The following PRR16 variants were observed in gnomAD, a reference collection of about 807,000 sequenced individuals.
PRR16 encodes protein Largen.
A neutral mutation model predicts 18.2 loss-of-function variants in PRR16; 6 were observed. That is an observed-to-expected ratio of 0.33 (90% CI 0.18 to 0.65). The LOEUF is 0.65. PRR16 is among the 30% of genes least tolerant of loss of function. The pLI, the probability that PRR16 is intolerant of heterozygous loss-of-function variation, is 0.74. For synonymous variants in PRR16, 151 were observed against 147.8 expected (o/e 1.02, Z -0.16); for missense variants, 412 against 376.6 (o/e 1.09, Z -0.78).
chr5:120,588,899 G>C (rs892321644), intron 1 of PRR16, among the ~76,000 whole-genome samples: 5 of 151,788 alleles, frequency 3.3e-5, no homozygotes, highest in Non-Finnish European at 5.9e-5. Context: ...TCTCAAATAG[G>C]TTATCTCTCT....
the PRR16 span, among the ~76,000 whole-genome samples, chr5:120,771,759 A>T: frequency 6.6e-6 from 1 of 152,038 alleles, no homozygotes; most frequent in Non-Finnish European, 1.5e-5. Context: ...TAAATGCTGA[A>T]ATCCTATGTC....
Position 120,686,168 on chromosome 5 carries a change from C to G in PRR16, c.374C>G (p.Pro125Arg), listed in dbSNP as rs370722139. 1.2e-6 allele frequency: 2 copies of G among 1,614,188 alleles called. No individual in the cohort carries two copies. The highest frequency in any genetic ancestry group is 1.7e-6 in the Non-Finnish European group (2 of 1,180,010). The change falls in exon 2 of 2, where the codon CCT becomes CGT. Residue 125 changes from proline (P) to arginine (R), a missense_variant. By Grantham distance (103) the Pro-to-Arg change is moderately radical (BLOSUM62 -2). Coordinates refer to ENST00000407149, the MANE Select transcript of PRR16 (RefSeq NM_001300783.2). ...TVLRKPNPPP[P>R]PPRLTPVKCE... ...CTGAGAAAGCCAAACCCTCCACCAC[C>G]TCCTCCAAGGTTGACACCTGTGAAG...
At chr5:120,768,541 C>T in the PRR16 span, among the ~76,000 whole-genome samples, 8 of 151,484 alleles carry the variant, frequency 5.3e-5, no homozygotes, top group East Asian at 1.9e-4. Flanking sequence ...TCAGGAACTC[C>T]GAATCCTGAA....
At chr5:120,487,845 T>C (rs1358366470) in intron 1 of PRR16, among the ~76,000 whole-genome samples, 1 of 152,152 alleles carries the variant, frequency 6.6e-6, no homozygotes, top group Non-Finnish European at 1.5e-5. Context: ...TTATTGAGAG[T>C]TGTTAGCATG....
intron 1 of PRR16, among the ~76,000 whole-genome samples, chr5:120,632,874 C>G (rs1755104667): frequency 6.6e-6 from 1 of 152,080 alleles, no homozygotes; most frequent in Non-Finnish European, 1.5e-5. Flanking sequence ...ACAAGAAGCT[C>G]AAATAACACC....
At chr5:120,682,390 C>T (rs1306030210) in intron 1 of PRR16, among the ~76,000 whole-genome samples, 1 of 152,144 alleles carries the variant, frequency 6.6e-6, no homozygotes, top group African/African-American at 2.4e-5. Context: ...GAGGCCCTTT[C>T]ATGGATTGTC....
chr5:120,585,454 A>T (rs1342797386), intron 1 of PRR16, among the ~76,000 whole-genome samples: 2 of 152,022 alleles, frequency 1.3e-5, no homozygotes, highest in African/African-American at 4.8e-5. Flanking sequence ...TACTAAAAAT[A>T]TAAAAATTAT....
At chr5:120,730,779 A>G in the PRR16 span, among the ~76,000 whole-genome samples, 43 of 152,310 alleles carry the variant, frequency 2.8e-4, no homozygotes, top group Non-Finnish European at 3.1e-4. Context: ...ATAGAGAGTC[A>G]AAATTATGCT....
chr5:120,621,656 TAGTG>T (rs1468367721), intron 1 of PRR16, among the ~76,000 whole-genome samples: 1 of 152,114 alleles, frequency 6.6e-6, no homozygotes, highest in Admixed American at 6.6e-5. Context: ...GTTCTCATGA[TAGTG>T]AGTGAGTTCT....
the PRR16 span, among the ~76,000 whole-genome samples, chr5:120,698,535 T>A: frequency 1.8e-5 from 2 of 110,360 alleles, no homozygotes; most frequent in African/African-American, 7.2e-5. Flanking sequence ...AGGGCATGTA[T>A]GAGTAGTTGA....
At chr5:120,600,988 G>T (rs899026398) in intron 1 of PRR16, among the ~76,000 whole-genome samples, 4 of 151,946 alleles carry the variant, frequency 2.6e-5, no homozygotes, top group African/African-American at 9.7e-5. Context: ...GAGCATGTAG[G>T]TTGATTCCAT....
At chr5:120,561,224 T>G (rs1752564631) in intron 1 of PRR16, among the ~76,000 whole-genome samples, 1 of 152,028 alleles carries the variant, frequency 6.6e-6, no homozygotes, top group South Asian at 2.1e-4. Context: ...TATTTGAAGT[T>G]TTTCTTCTTT....
the PRR16 span, among the ~76,000 whole-genome samples, chr5:120,754,271 A>AT: frequency 3.3e-5 from 1 of 30,310 alleles, no homozygotes; most frequent in African/African-American, 1.3e-4. Flanking sequence ...TATAAATATA[A>AT]AATAATATAT....
At chr5:120,673,043 G>A (rs188216790) in intron 1 of PRR16, among the ~76,000 whole-genome samples, 1 of 152,292 alleles carries the variant, frequency 6.6e-6, no homozygotes, top group Admixed American at 6.5e-5. Flanking sequence ...GATGAAAACA[G>A]GAATTAAAGT....
At chr5:120,638,707 C>A (rs1021087149) in intron 1 of PRR16, among the ~76,000 whole-genome samples, 1 of 152,080 alleles carries the variant, frequency 6.6e-6, no homozygotes, top group Non-Finnish European at 1.5e-5. Context: ...CAAACACACA[C>A]AATACACATG....
intron 1 of PRR16, among the ~76,000 whole-genome samples, chr5:120,635,453 A>T (rs896068466): frequency 1.3e-5 from 2 of 152,176 alleles, no homozygotes; most frequent in Non-Finnish European, 2.9e-5. Context: ...GGATGCAGGG[A>T]TGGTTTAACA....
the PRR16 span, among the ~76,000 whole-genome samples, chr5:120,771,040 G>C: frequency 6.7e-6 from 1 of 150,180 alleles, no homozygotes; most frequent in African/African-American, 2.4e-5. Context: ...TAATTTTTAA[G>C]ATAATATAAC....
intron 1 of PRR16, among the ~76,000 whole-genome samples, chr5:120,545,944 G>C (rs1752061190): frequency 6.6e-6 from 1 of 152,000 alleles, no homozygotes. Flanking sequence ...TATTGATTTT[G>C]ATAGCATGGT....
At chr5:120,709,849 T>C in the PRR16 span, among the ~76,000 whole-genome samples, 1 of 152,234 alleles carries the variant, frequency 6.6e-6, no homozygotes, top group East Asian at 1.9e-4. Context: ...TTCCATTGTA[T>C]TTAAATATCA....
Sources: allele counts gnomAD v4.1 joint callset (sites outside exome capture counted in the v4.1 genomes callset), GRCh38; gene constraint gnomAD v4.1.1; transcripts MANE v1.5; gene names NCBI Gene and HGNC (gene_info 2026-07-23, HGNC 2026-07-21).